The following DNAH8 variants were observed in gnomAD, a reference collection of about 807,000 sequenced individuals.
DNAH8 encodes the protein dynein axonemal heavy chain 8, also known as axonemal beta dynein heavy chain 8.
DNAH8 carries 382 observed loss-of-function variants against 562.1 expected under a neutral mutation model. The observed-to-expected ratio is 0.68, with a 90% confidence interval of 0.63 to 0.74. DNAH8 has a LOEUF of 0.74. Among genes scored for constraint, DNAH8 ranks in the 30% least tolerant of loss-of-function variants. The probability of loss-of-function intolerance (pLI) is 0.00; values close to 1 mark genes in which losing one functional copy is unlikely to be tolerated. For missense variants in DNAH8, 5,203 were observed against 5,620.4 expected (o/e 0.93, Z 2.37); for synonymous variants, 1,881 against 1,919.4 (o/e 0.98, Z 0.52).
Position 39,012,240 on chromosome 6 carries a change from G to C in DNAH8, c.13397G>C (p.Gly4466Ala). The change falls in exon 90 of 93, where the codon GGC (glycine) becomes GCC (alanine). Residue 4466 changes from glycine (G) to alanine (A), a missense_variant. By Grantham distance (60) the Gly-to-Ala change is moderately conservative (BLOSUM62 0). Coordinates refer to ENST00000327475, the MANE Select transcript of DNAH8 (RefSeq NM_001206927.2). ...HEVKSRLIKM[G>A]HLNSMNIFLR... ...GTGAAATCTCGTTTGATAAAGATGG[G>C]CCATCTTAATTCAATGAACATATTT... 1 of 1,608,968 alleles carries C rather than the reference G, an allele frequency of 6.2e-7. No individual in the cohort carries two copies. Among genetic ancestry groups the C allele is most frequent in the Non-Finnish European group, 8.5e-7 (1 of 1,176,580 alleles).
chr6:38,898,512 A>G (rs1481204812), intron 61 of DNAH8, 132 bp downstream of exon 61: 2 of 606,280 alleles, frequency 3.3e-6, no homozygotes, highest in African/African-American at 1.9e-5. Flanking sequence ...AGGTTGGGTC[A>G]ATTCACTGTC....
chr6:38,850,756 T>G (rs949396805), intron 38 of DNAH8, among the ~76,000 whole-genome samples: 1 of 152,210 alleles, frequency 6.6e-6, no homozygotes, highest in African/African-American at 2.4e-5. Flanking sequence ...TTGCCTCTTT[T>G]GGCTTCTGGT....
chr6:38,797,589 A>G (rs1327477191), intron 21 of DNAH8, among the ~76,000 whole-genome samples: 2 of 152,102 alleles, frequency 1.3e-5, no homozygotes, highest in Admixed American at 6.5e-5. Flanking sequence ...CTATGCTTCC[A>G]ATTCCAATTC....
At chr6:38,857,102 C>G (rs1053987866) in intron 41 of DNAH8, among the ~76,000 whole-genome samples, 1 of 152,124 alleles carries the variant, frequency 6.6e-6, no homozygotes, top group African/African-American at 2.4e-5. Context: ...AGGGAGCAAT[C>G]AAGAAAGGAG....
At chr6:38,863,848 A>G in intron 44 of DNAH8, 25 bp from the exon 45 acceptor site, 1 of 1,564,166 alleles carries the variant, frequency 6.4e-7, no homozygotes, top group Admixed American at 2.2e-5. Context: ...GTAAAACTTT[A>G]CAAATTAACT....
intron 26 of DNAH8, among the ~76,000 whole-genome samples, chr6:38,818,685 G>GA (rs751983934): frequency 1.7e-4 from 26 of 152,204 alleles, no homozygotes; most frequent in Non-Finnish European, 3.7e-4. Context: ...TGTGACTTAG[G>GA]AAACAGGTGA....
chr6:38,842,792 C>A lies in DNAH8; in HGVS notation c.4734C>A (p.His1578Gln), dbSNP rs932754454. 1.2e-6 allele frequency: 2 copies of A among 1,613,810 alleles called. No individual in the cohort carries two copies. Among genetic ancestry groups the A allele is most frequent in the East Asian group, 4.5e-5 (2 of 44,840 alleles). The change falls in exon 35 of 93, where the codon CAC becomes CAA. Residue 1578 changes from histidine to glutamine, a missense_variant. Physicochemically the swap from His to Gln is conservative, Grantham distance 24. This residue lies in a region of DNAH8 where 2,176 missense variants were observed against 2,365.1 expected (regional missense o/e 0.92). Coordinates refer to ENST00000327475, the MANE Select transcript of DNAH8 (RefSeq NM_001206927.2). ...MMTNKAMKQR[H>Q]WDRISELTGT... ...CCAATAAGGCCATGAAACAGAGACA[C>A]TGGGATAGAATCTCCGAGTTAACTG...
At chr6:38,749,718 T>G (rs2127594217) in intron 8 of DNAH8, among the ~76,000 whole-genome samples, 1 of 152,324 alleles carries the variant, frequency 6.6e-6, no homozygotes, top group East Asian at 1.9e-4. Context: ...AGGAAGAACT[T>G]TCTCATAATC....
At position 38,781,268 on chromosome 6, in the gene DNAH8, G is replaced by A. The variant is rs1356538644; in HGVS notation, c.2154G>A (p.Gln718=). 2 of 1,613,528 alleles carry A rather than the reference G, an allele frequency of 1.2e-6. No homozygotes were observed. The highest frequency in any genetic ancestry group is 2.7e-5 in the African/African-American group (2 of 74,850). The change falls in exon 16 of 93, where the codon CAG becomes CAA. Residue 718 remains glutamine (Q), a synonymous_variant. Coordinates refer to ENST00000327475, the MANE Select transcript of DNAH8 (RefSeq NM_001206927.2). ...LDATKKLYHS[Q]KDDPPLARNM... ...TTTAATTACAGCTTTATCATTCTCA[G>A]AAAGATGACCCCCCTCTTGCTCGCA...
chr6:38,821,809 G>A (rs572088707), intron 26 of DNAH8, among the ~76,000 whole-genome samples: 29 of 152,252 alleles, frequency 1.9e-4, no homozygotes, highest in African/African-American at 6.3e-4. Context: ...CGATCTCCCC[G>A]CCTGGGCTTC....
At chr6:38,982,041 G>A (rs1200458103) in intron 85 of DNAH8, among the ~76,000 whole-genome samples, 1 of 152,192 alleles carries the variant, frequency 6.6e-6, no homozygotes, top group Non-Finnish European at 1.5e-5. Context: ...GTAACATGCT[G>A]CACAGGTTTG....
In DNAH8 at chr6:38,984,261, G is replaced by T. The variant is rs372473768; in HGVS notation, c.13007G>T (p.Arg4336Ile). The change falls in exon 87 of 93, where the codon AGA becomes ATA. Residue 4336 changes from arginine (R) to isoleucine (I), a missense_variant. By Grantham distance (97) the Arg-to-Ile change is moderately conservative. This residue lies in a region of DNAH8 where 1,399 missense variants were observed against 1,518.4 expected (regional missense o/e 0.92). Transcript: ENST00000327475. ...YMIGEVQYGGRVTDDFDKRLL... is the reference protein window; with the variant it reads ...YMIGEVQYGGIVTDDFDKRLL... ...ATCGGAGAAGTACAATATGGAGGCAGAGTGACAGATGACTTTGACAAACGT... is the reference window on the plus strand; with the variant it reads ...ATCGGAGAAGTACAATATGGAGGCATAGTGACAGATGACTTTGACAAACGT... 6.2e-7 allele frequency: 1 copy of T among 1,611,466 alleles called. No homozygotes were observed. Among genetic ancestry groups the T allele is most frequent in the Non-Finnish European group, 8.5e-7 (1 of 1,177,556 alleles).
chr6:39,011,457 A>G (rs1583564697), intron 89 of DNAH8, among the ~76,000 whole-genome samples: 2 of 152,172 alleles, frequency 1.3e-5, no homozygotes, highest in African/African-American at 4.8e-5. Flanking sequence ...AGAAAGTTCA[A>G]ATCCCTTTAT....
Position 38,913,938 on chromosome 6 carries a change from A to G in DNAH8, c.9949A>G (p.Ile3317Val). ...GGAGAAGGAGTTGGCAGTGGCTTCC[A>G]TAAAAGCAGACGAAGTGAGTTTGCA... is the stretch of plus-strand genomic sequence containing the variant. ...VKEKELAVAS[I>V]KADEVLAEVT... Residue 3317 changes from isoleucine (I) to valine (V), a missense_variant, in exon 67 of 93, where the codon ATA becomes GTA. Ile to Val is a conservative substitution (Grantham distance 29). Coordinates refer to ENST00000327475, the MANE Select transcript of DNAH8 (RefSeq NM_001206927.2). 1 of 1,611,964 alleles carries G rather than the reference A, an allele frequency of 6.2e-7. No individual in the cohort carries two copies. Among genetic ancestry groups the G allele is most frequent in the Non-Finnish European group, 8.5e-7 (1 of 1,178,292 alleles).
intron 42 of DNAH8, among the ~76,000 whole-genome samples, chr6:38,858,694 G>T (rs1271889230): frequency 6.6e-6 from 1 of 152,186 alleles, no homozygotes; most frequent in Non-Finnish European, 1.5e-5. Context: ...AGGAAAAACT[G>T]CTCTAGGATT....
intron 89 of DNAH8, among the ~76,000 whole-genome samples, chr6:39,009,301 TAA>T (rs66901983): frequency 0.54 from 80,246 of 148,690 alleles, 22,112 homozygotes; most frequent in East Asian, 0.63. Flanking sequence ...TAAGCTGTGC[TAA>T]AAAAAAAAAA....
rs772470527 is a variant in DNAH8, at chr6:38,911,455, G to A, written c.9741-13G>A. ...CAATGATTGAAATGGTCCTTTTAAT[G>A]TTCTGCTTTCAGATACCGCCGAAGA... On this transcript the variant is annotated splice_polypyrimidine_tract_variant and intron_variant, in intron 65 of 92. Transcript: ENST00000327475. 4 of 1,572,550 alleles carry A rather than the reference G, an allele frequency of 2.5e-6. No individual in the cohort carries two copies. The highest frequency in any genetic ancestry group is 2.6e-6 in the Non-Finnish European group (3 of 1,142,356).
chr6:38,758,140 T>C (rs1466160639), intron 10 of DNAH8, among the ~76,000 whole-genome samples: 1 of 152,202 alleles, frequency 6.6e-6, no homozygotes. Context: ...TTTCACGATA[T>C]TGATTCTTCC....
chr6:38,874,244 C>T (rs1777787914), intron 52 of DNAH8, among the ~76,000 whole-genome samples: 3 of 28,650 alleles, frequency 1.0e-4, no homozygotes, highest in African/African-American at 4.4e-4. Context: ...CCCCTCCCTC[C>T]CCTTCCCTTC....
Sources: allele counts gnomAD v4.1 joint callset (sites outside exome capture counted in the v4.1 genomes callset), GRCh38; gene constraint gnomAD v4.1.1; regional missense constraint gnomAD v4.1.1; transcripts MANE v1.5; gene names NCBI Gene and HGNC (gene_info 2026-07-23, HGNC 2026-07-21).